RNLS: variants seen among roughly 807,000 people sequenced by gnomAD.
RNLS encodes the protein renalase.
RNLS carries 39 observed loss-of-function variants against 39.8 expected under a neutral mutation model. The observed-to-expected ratio is 0.98, with a 90% CI of 0.76 to 1.28. The LOEUF is 1.28. RNLS is among the 50% of genes most tolerant of loss of function. RNLS has a pLI of 0.00. For synonymous variants in RNLS, 147 were observed against 150.7 expected, an observed-to-expected ratio of 0.98 and a Z score of 0.18; for missense variants, 410 against 413.3, an observed-to-expected ratio of 0.99 and a Z score of 0.07.
chr10:88,385,844 A>C (rs1851830982), intron 4 of RNLS, among the ~76,000 whole-genome samples: 1 of 152,142 alleles, frequency 6.6e-6, no homozygotes, highest in African/African-American at 2.4e-5. Context: ...GAAAAAAAGG[A>C]CTTATCAATG....
chr10:88,241,540 C>T, the RNLS span, among the ~76,000 whole-genome samples: 1 of 152,138 alleles, frequency 6.6e-6, no homozygotes. Context: ...TTAAAAAAAT[C>T]AGTCATGCCA....
intron 4 of RNLS, among the ~76,000 whole-genome samples, chr10:88,438,922 T>G (rs1841558718): frequency 6.6e-6 from 1 of 151,542 alleles, no homozygotes; most frequent in Non-Finnish European, 1.5e-5. Context: ...AATCGATTTC[T>G]GTATTTTGCC....
At chr10:88,532,252 C>T (rs575132173) in intron 4 of RNLS, among the ~76,000 whole-genome samples, 110 of 152,116 alleles carry the variant, frequency 7.2e-4, no homozygotes, top group Admixed American at 1.7e-3. Context: ...GCACACTTTA[C>T]AAGACTTAGA....
At position 88,431,014 on chromosome 10, in the gene RNLS, T is replaced by C. The variant is rs531967639; in HGVS notation, c.527-68289A>G. Reference sequence around the variant, plus strand: ...GAATTAGGTTGGAAAGTATTGCCTCTAGTACTTCAATTTTCTGGAAGAATT... The same window carrying C: ...GAATTAGGTTGGAAAGTATTGCCTCCAGTACTTCAATTTTCTGGAAGAATT... On this transcript the variant is annotated intron_variant, in intron 4 of 6. Transcript: ENST00000331772. Among the ~76,000 whole-genome samples, 3 of 151,822 alleles carry C rather than the reference T, an allele frequency of 2.0e-5. No homozygotes were observed. In the South Asian group the frequency reaches 6.2e-4, roughly 32 times the overall value.
At chr10:88,310,226 G>A (rs141008690) in intron 6 of RNLS, among the ~76,000 whole-genome samples, 111 of 151,984 alleles carry the variant, frequency 7.3e-4, no homozygotes, top group African/African-American at 2.5e-3. Context: ...AAATGTATGC[G>A]TAAATAAATA....
the RNLS span, among the ~76,000 whole-genome samples, chr10:88,198,673 C>A: frequency 6.6e-6 from 1 of 151,972 alleles, no homozygotes; most frequent in Non-Finnish European, 1.5e-5. Context: ...GTGTGTAGCA[C>A]CTCCCCCTTC....
intron 4 of RNLS, among the ~76,000 whole-genome samples, chr10:88,553,425 G>C (rs1848694263): frequency 6.6e-6 from 1 of 152,228 alleles, no homozygotes; most frequent in South Asian, 2.1e-4. Flanking sequence ...TCAATAGAAG[G>C]TTGAATCACA....
chr10:88,256,285 G>A, the RNLS span, among the ~76,000 whole-genome samples: 1 of 152,188 alleles, frequency 6.6e-6, no homozygotes. Flanking sequence ...CCACCCGCCT[G>A]TCTCATGTGA....
chr10:88,493,539 C>G (rs1209030477), intron 4 of RNLS, among the ~76,000 whole-genome samples: 1 of 151,748 alleles, frequency 6.6e-6, no homozygotes, highest in East Asian at 1.9e-4. Flanking sequence ...TTGAAAGTTT[C>G]TCATTTTTTT....
At chr10:88,457,801 C>T (rs560520633) in intron 4 of RNLS, among the ~76,000 whole-genome samples, 1 of 152,166 alleles carries the variant, frequency 6.6e-6, no homozygotes, top group African/African-American at 2.4e-5. Flanking sequence ...ATCAACAAAG[C>T]CTCCTGAACT....
At chr10:88,235,285 A>AG in the RNLS span, among the ~76,000 whole-genome samples, 5 of 151,032 alleles carry the variant, frequency 3.3e-5, no homozygotes, top group Non-Finnish European at 5.9e-5. Context: ...AAAAAAAAAA[A>AG]AAAAAAGAAA....
At chr10:88,554,673 T>A (rs1044072899) in intron 4 of RNLS, among the ~76,000 whole-genome samples, 11 of 152,060 alleles carry the variant, frequency 7.2e-5, no homozygotes, top group African/African-American at 2.7e-4. Context: ...TCTGTGTTGA[T>A]GTGCTCTGCC....
chr10:88,502,391 T>C (rs943490472), intron 4 of RNLS, among the ~76,000 whole-genome samples: 1 of 150,784 alleles, frequency 6.6e-6, no homozygotes, highest in Admixed American at 6.6e-5. Context: ...GAGCAGAGAG[T>C]AGGTTGTTAA....
At chr10:88,548,000 G>A (rs71477194) in intron 4 of RNLS, among the ~76,000 whole-genome samples, 3 of 151,970 alleles carry the variant, frequency 2.0e-5, no homozygotes, top group Admixed American at 6.5e-5. Context: ...AGTGGCTCAC[G>A]CCTGTAATCC....
chr10:88,217,738 GA>G, the RNLS span, among the ~76,000 whole-genome samples: 92 of 97,584 alleles, frequency 9.4e-4, no homozygotes, highest in South Asian at 2.1e-3. Flanking sequence ...GCCTTCAAAT[GA>G]AAAAAAAAAA....
At chr10:88,386,795 A>C (rs971724753) in intron 4 of RNLS, among the ~76,000 whole-genome samples, 1 of 152,346 alleles carries the variant, frequency 6.6e-6, no homozygotes, top group East Asian at 1.9e-4. Flanking sequence ...GTTGTCTCCA[A>C]TAATCCCAGC....
At chr10:88,184,277 T>C in the RNLS span, among the ~76,000 whole-genome samples, 3 of 152,144 alleles carry the variant, frequency 2.0e-5, no homozygotes, top group Admixed American at 6.6e-5. Flanking sequence ...TGATACCTTA[T>C]TCAACTACCC....
At chr10:88,256,840 G>T in the RNLS span, among the ~76,000 whole-genome samples, 1 of 151,844 alleles carries the variant, frequency 6.6e-6, no homozygotes. Context: ...TGGGTTGAAG[G>T]GCCATTCACC....
chr10:88,287,944 T>A (rs1450116090), intron 6 of RNLS, among the ~76,000 whole-genome samples: 1 of 152,032 alleles, frequency 6.6e-6, no homozygotes, highest in African/African-American at 2.4e-5. Flanking sequence ...TGGGATGCTA[T>A]ATAAAAACTC....
Sources: allele counts gnomAD v4.1 joint callset (sites outside exome capture counted in the v4.1 genomes callset), GRCh38; gene constraint gnomAD v4.1.1; transcripts MANE v1.5; gene names NCBI Gene and HGNC (gene_info 2026-07-23, HGNC 2026-07-21).